Variants in TRHDE observed in about 807,000 individuals in gnomAD.
TRHDE encodes thyrotropin-releasing hormone-degrading ectoenzyme.
In TRHDE, 72 loss-of-function variants were observed where a neutral mutation model predicts 125.7. The observed-to-expected ratio is 0.57, with a 90% confidence interval of 0.47 to 0.70. The LOEUF (loss-of-function observed/expected upper bound fraction) is 0.70. Ranked by LOEUF, TRHDE falls within the 30% of genes least tolerant of loss-of-function variation. TRHDE has a pLI of 0.00. For synonymous variants in TRHDE, 509 were observed against 509.1 expected, an observed-to-expected ratio of 1.00 and a Z score of 0.00; for missense variants, 1,110 against 1,327.1, an observed-to-expected ratio of 0.84 and a Z score of 2.54.
chr12:72,373,658 AT>A (rs1871727023), intron 2 of TRHDE, among the ~76,000 whole-genome samples: 1 of 152,192 alleles, frequency 6.6e-6, no homozygotes, highest in Non-Finnish European at 1.5e-5. Context: ...AGAGGGAAGG[AT>A]TTTCAGCAAG....
chr12:72,571,034 C>T (rs537411958), intron 10 of TRHDE, among the ~76,000 whole-genome samples: 3 of 152,266 alleles, frequency 2.0e-5, no homozygotes, highest in South Asian at 2.1e-4. Flanking sequence ...CAAGAGGCAT[C>T]TAAAGGACTG....
rs1160120360 is a variant in TRHDE at position 72,656,836 on chromosome 12, G to A, written c.2985-91G>A. Reference sequence around the variant, plus strand: ...AGTCTCTGACAACACTGAGCAAATCGAACCCTTGAGAAAACTCTAAAAAAT... The same window carrying A: ...AGTCTCTGACAACACTGAGCAAATCAAACCCTTGAGAAAACTCTAAAAAAT... On this transcript the variant is annotated intron_variant, in intron 17 of 18. Transcript: ENST00000261180. 10 of 868,534 alleles carry A rather than the reference G, an allele frequency of 1.2e-5. 1 individual carries two copies. Among genetic ancestry groups the A allele is most frequent in the Middle Eastern group, 2.9e-4 (1 of 3,432 alleles). The allele number at this position is 868,534 out of a possible 1,614,324, so 53.8% of individuals were successfully genotyped here.
intron 2 of TRHDE, among the ~76,000 whole-genome samples, chr12:72,318,779 T>C (rs1187526086): frequency 2.0e-5 from 3 of 152,148 alleles, no homozygotes; most frequent in Non-Finnish European, 4.4e-5. Context: ...ATGAGGAATA[T>C]ATGAAATAAT....
At chr12:72,440,592 A>C (rs1219692992) in intron 3 of TRHDE, among the ~76,000 whole-genome samples, 2 of 151,974 alleles carry the variant, frequency 1.3e-5, no homozygotes, top group African/African-American at 4.8e-5. Flanking sequence ...TTTAATCTTC[A>C]TAACAGTCCT....
intron 2 of TRHDE, among the ~76,000 whole-genome samples, chr12:72,371,800 A>G (rs1451579743): frequency 1.3e-5 from 2 of 152,168 alleles, no homozygotes; most frequent in African/African-American, 4.8e-5. Flanking sequence ...ATTGTTGGAC[A>G]TTTGGGTTGG....
rs3081972 is a variant in TRHDE at position 72,525,601 on chromosome 12, TTGTGTG to T, written c.1723-16661_1723-16656del. On this transcript the variant is annotated intron_variant, in intron 6 of 18. Transcript: ENST00000261180. ...AGACTTCTCATGTTTTGTGTGTGGT[TTGTGTG>T]TGTGTGTGTGTGTGTGTGTGTGTGT... is the stretch of plus-strand genomic sequence containing the variant. Among the ~76,000 whole-genome samples, 321 of 127,694 alleles carry T rather than the reference TTGTGTG, an allele frequency of 2.5e-3. 1 individual carries two copies. Among genetic ancestry groups the T allele is most frequent in the African/African-American group, 3.6e-3 (112 of 30,980 alleles). 83.8% of individuals were successfully genotyped at this position (127,694 alleles called of 152,430 possible). A position where few individuals can be genotyped will look rare whatever the true frequency, so the allele number is the denominator to read the frequency against.
chr12:72,095,934 G>A (rs941057076), intron 1 of TRHDE, among the ~76,000 whole-genome samples: 3 of 152,148 alleles, frequency 2.0e-5, no homozygotes, highest in Admixed American at 1.3e-4. Flanking sequence ...CCTCCAATCA[G>A]TTGAAGGGCT....
At chr12:72,155,678 G>T (rs1876487062) in intron 2 of TRHDE, among the ~76,000 whole-genome samples, 1 of 152,268 alleles carries the variant, frequency 6.6e-6, no homozygotes, top group Non-Finnish European at 1.5e-5. Context: ...GTTTGCCTGG[G>T]TATCAGCAGC....
At chr12:72,379,279 T>A (rs1872038231) in intron 3 of TRHDE, among the ~76,000 whole-genome samples, 1 of 152,234 alleles carries the variant, frequency 6.6e-6, no homozygotes, top group Non-Finnish European at 1.5e-5. Context: ...TGAGTGATAT[T>A]ACAAAATTCT....
rs117233776 is a variant in TRHDE, at chr12:72,579,472, C to T, written c.2321+3930C>T. Among the ~76,000 whole-genome samples the T allele has an allele frequency of 9.4e-3, 1,434 of 152,182 alleles. 73 individuals are homozygous for T. The highest frequency in any genetic ancestry group is 0.076 in the Admixed American group (1,162 of 15,284). ...TAATAGAAAATGAGCAAAGGTATTT[C>T]CTACTATTCTTTCCTATATATTTTG... On this transcript the variant is annotated intron_variant, in intron 12 of 18. Transcript: ENST00000261180.
At chr12:72,334,713 G>A (rs1305136252) in intron 2 of TRHDE, among the ~76,000 whole-genome samples, 1 of 152,134 alleles carries the variant, frequency 6.6e-6, no homozygotes, top group African/African-American at 2.4e-5. Flanking sequence ...GGCCTCCCAG[G>A]GAAAACCCAG....
chr12:72,478,001 A>G (rs965388064), intron 5 of TRHDE, among the ~76,000 whole-genome samples: 1 of 152,170 alleles, frequency 6.6e-6, no homozygotes, highest in African/African-American at 2.4e-5. Context: ...AAAACATTAT[A>G]AGTTATACTT....
intron 3 of TRHDE, among the ~76,000 whole-genome samples, chr12:72,456,457 A>C (rs887979223): frequency 1.3e-5 from 2 of 152,170 alleles, no homozygotes; most frequent in African/African-American, 4.8e-5. Context: ...CAAGGACACA[A>C]ATAAAATATT....
At chr12:72,426,639 C>G (rs1019779101) in intron 3 of TRHDE, among the ~76,000 whole-genome samples, 3 of 151,534 alleles carry the variant, frequency 2.0e-5, no homozygotes, top group African/African-American at 7.3e-5. Flanking sequence ...AGGACAAGTT[C>G]AACAGCTATT....
At chr12:72,604,825 G>A (rs568857423) in intron 12 of TRHDE, among the ~76,000 whole-genome samples, 13 of 152,142 alleles carry the variant, frequency 8.5e-5, no homozygotes, top group African/African-American at 2.9e-4. Context: ...ACTTAACTAT[G>A]AGACTGTTAT....
intron 2 of TRHDE, among the ~76,000 whole-genome samples, chr12:72,348,076 A>G (rs777816390): frequency 3.3e-5 from 5 of 151,986 alleles, no homozygotes; most frequent in Non-Finnish European, 5.9e-5. Context: ...CAAAAATTAT[A>G]TATACAGTAT....
At chr12:72,437,090 C>A (rs1480762666) in intron 3 of TRHDE, among the ~76,000 whole-genome samples, 2 of 151,844 alleles carry the variant, frequency 1.3e-5, no homozygotes, top group Non-Finnish European at 2.9e-5. Context: ...ACACTACTTA[C>A]TAGCTATAGC....
chr12:72,188,933 C>A (rs533036626), intron 2 of TRHDE, among the ~76,000 whole-genome samples: 2 of 152,300 alleles, frequency 1.3e-5, no homozygotes, highest in South Asian at 4.1e-4. Flanking sequence ...CCATGAGGGT[C>A]AGGAGAAAGG....
At chr12:72,501,845 T>A (rs1414135291) in intron 6 of TRHDE, among the ~76,000 whole-genome samples, 2 of 152,246 alleles carry the variant, frequency 1.3e-5, no homozygotes, top group East Asian at 3.9e-4. Context: ...TAACTAATGA[T>A]TTAATTTTGT....
Sources: gnomAD v4.1 joint callset for allele counts (sites outside exome capture counted in the v4.1 genomes callset) on GRCh38, gnomAD v4.1.1 for gene constraint, MANE v1.5 for transcripts, NCBI Gene and HGNC (gene_info 2026-07-23, HGNC 2026-07-21) for gene names.